The following GOLM1 variants were observed in gnomAD, a reference collection of about 807,000 sequenced individuals.
The protein encoded by GOLM1 is epididymis luminal protein 46.
Under a neutral mutation model 50.5 loss-of-function variants are expected in GOLM1, and 31 were observed. That is an observed-to-expected ratio of 0.61 (90% CI 0.46 to 0.83). GOLM1 has a LOEUF of 0.83. Among genes scored for constraint, GOLM1 ranks in the 40% least tolerant of loss-of-function variants. The pLI, the probability that GOLM1 is intolerant of heterozygous loss-of-function variation, is 0.00. For missense variants in GOLM1, 491 were observed against 501.3 expected (o/e 0.98, Z 0.20); for synonymous variants, 178 against 192.8 (o/e 0.92, Z 0.64).
intron 8 of GOLM1, among the ~76,000 whole-genome samples, chr9:86,034,155 G>A (rs1833066780): frequency 6.6e-6 from 1 of 152,046 alleles, no homozygotes; most frequent in African/African-American, 2.4e-5. Flanking sequence ...AGAAGAGATG[G>A]GGTTTCACCA....
chr9:86,097,473 G>T (rs1408664486), intron 1 of GOLM1, among the ~76,000 whole-genome samples: 1 of 151,470 alleles, frequency 6.6e-6, no homozygotes, highest in African/African-American at 2.4e-5. Flanking sequence ...TTTATTTCAA[G>T]AAAAAACAAG....
At chr9:86,053,288 C>CG (rs1833835674) in intron 3 of GOLM1, among the ~76,000 whole-genome samples, 1 of 142,886 alleles carries the variant, frequency 7.0e-6, no homozygotes, top group Non-Finnish European at 1.5e-5. Flanking sequence ...ACACACCATT[C>CG]CACACCACAC....
intron 1 of GOLM1, among the ~76,000 whole-genome samples, chr9:86,094,188 T>G: frequency 6.6e-6 from 1 of 151,890 alleles, no homozygotes; most frequent in East Asian, 1.9e-4. Context: ...AAAGTTTTAC[T>G]ATACACTGCC....
intron 3 of GOLM1, among the ~76,000 whole-genome samples, chr9:86,060,876 C>CAAAAAAAAAAAAAAAAAAAAAAA (rs753183065): frequency 5.0e-5 from 1 of 19,910 alleles, no homozygotes; most frequent in Admixed American, 7.1e-4. Context: ...GAAACTCTCT[C>CAAAAAAAAAAAAAAAAAAAAAAA]AAAAAAAAAA....
chr9:86,038,503 C>A (rs931117825), intron 6 of GOLM1, among the ~76,000 whole-genome samples: 1 of 152,182 alleles, frequency 6.6e-6, no homozygotes, highest in Non-Finnish European at 1.5e-5. Flanking sequence ...AAGGAAGCTA[C>A]TCAACTCCAG....
chr9:86,096,068 T>C (rs1361156442), intron 1 of GOLM1, among the ~76,000 whole-genome samples: 1 of 152,182 alleles, frequency 6.6e-6, no homozygotes, highest in Non-Finnish European at 1.5e-5. Context: ...ACTGACCCCA[T>C]GTTCTAGGAT....
intron 5 of GOLM1, among the ~76,000 whole-genome samples, chr9:86,042,095 C>T (rs1031874993): frequency 1.3e-5 from 2 of 152,104 alleles, no homozygotes; most frequent in African/African-American, 2.4e-5. Flanking sequence ...CCAGCCTGGG[C>T]GACAGAGCGA....
chr9:86,035,400 C>T lies in GOLM1; in HGVS notation c.983G>A (p.Gly328Glu). The T allele has an allele frequency of 6.2e-7, 1 of 1,614,022 alleles. No homozygotes were observed. The highest frequency in any genetic ancestry group is 8.5e-7 in the Non-Finnish European group (1 of 1,180,024). Residue 328 changes from glycine to glutamate, a missense_variant, in exon 8 of 10, where the codon GGA becomes GAA. Gly to Glu is a moderately conservative substitution (Grantham distance 98). Transcript: ENST00000388712. Reference sequence around the variant, plus strand: ...GGCAGCTTCCTGCTCCTCCTCCTGTCCGTCGGGGATGACAAGCTGGTCTCG... The same window carrying T: ...GGCAGCTTCCTGCTCCTCCTCCTGTTCGTCGGGGATGACAAGCTGGTCTCG... ...PERDQLVIPD[G>E]QEEEQEAAGE...
At chr9:86,042,986 C>T (rs558208250) in intron 5 of GOLM1, among the ~76,000 whole-genome samples, 1 of 152,294 alleles carries the variant, frequency 6.6e-6, no homozygotes, top group South Asian at 2.1e-4. Flanking sequence ...GAGAGGAATA[C>T]AGGACTTGGC....
Position 86,026,755 on chromosome 9 carries a change from T to C in GOLM1, c.*1062A>G. 1.0e-6 allele frequency: 1 copy of C among 983,016 alleles called. No individual in the cohort carries two copies. Among genetic ancestry groups the C allele is most frequent in the Non-Finnish European group, 1.2e-6 (1 of 827,750 alleles). The allele number at this position is 983,016 out of a possible 1,614,324, so 60.9% of individuals were successfully genotyped here. On this transcript the variant is annotated 3_prime_UTR_variant, in exon 10 of 10. Coordinates refer to ENST00000388712, the MANE Select transcript of GOLM1 (RefSeq NM_016548.4). ...GTTATTGTGAATTAGGATTAAGTAG[T>C]AATTTTCAAAATTCACATTAACTTG...
intron 1 of GOLM1, chr9:86,085,129 C>T (rs1478181632): frequency 6.6e-6 from 1 of 152,170 alleles, no homozygotes; most frequent in Non-Finnish European, 1.5e-5. Flanking sequence ...CAATCTTCTG[C>T]AGCAGGAGAA....
rs61365613 is a variant in GOLM1, at chr9:86,049,880, C to A, written c.364+2657G>T. ...TATTTCTTTCTCCTGCCTGACTGCC[C>A]TGGCCAGAACTTCCAACACTATGTT... On this transcript the variant is annotated intron_variant, in intron 4 of 9. Coordinates refer to ENST00000388712, the MANE Select transcript of GOLM1 (RefSeq NM_016548.4). Among the ~76,000 whole-genome samples the A allele has an allele frequency of 4.2e-4, 64 of 152,246 alleles. 1 individual carries two copies. In the East Asian group the frequency reaches 9.6e-3, roughly 23 times the overall value.
intron 9 of GOLM1, among the ~76,000 whole-genome samples, chr9:86,032,324 C>T (rs962379039): frequency 4.6e-5 from 7 of 152,104 alleles, no homozygotes; most frequent in Admixed American, 3.9e-4. Flanking sequence ...CCCACCACCA[C>T]GCCTGGCTAA....
At chr9:86,061,152 T>G (rs1245557681) in intron 3 of GOLM1, among the ~76,000 whole-genome samples, 1 of 152,148 alleles carries the variant, frequency 6.6e-6, no homozygotes, top group Non-Finnish European at 1.5e-5. Context: ...TACCTTTTCA[T>G]GTTTACGGTT....
chr9:86,046,352 C>CA lies in GOLM1; in HGVS notation c.467+117dup, dbSNP rs1160495580. 20 of 665,464 alleles carry CA rather than the reference C, an allele frequency of 3.0e-5. No individual in the cohort carries two copies. The East Asian group carries it at 4.1e-4, about 14-fold the overall frequency. 41.2% of individuals were successfully genotyped at this position (665,464 alleles called of 1,614,324 possible). A position where few individuals can be genotyped will look rare whatever the true frequency, so the allele number is the denominator to read the frequency against. ...ATCCTAGAGGGGCCCGTGCCTTTCT[C>CA]AGAGTCCCGCACGGAGCAGAAGGTG... On this transcript the variant is annotated intron_variant, in intron 5 of 9. Transcript: ENST00000388712.
intron 3 of GOLM1, among the ~76,000 whole-genome samples, chr9:86,070,321 C>T (rs920998933): frequency 6.6e-6 from 1 of 152,156 alleles, no homozygotes; most frequent in Non-Finnish European, 1.5e-5. Context: ...TGCCTCTAAT[C>T]CCAGTACTTT....
Position 86,099,546 on chromosome 9 carries a change from C to G in GOLM1, c.-157G>C, listed in dbSNP as rs1342913036. ...GCGCCCAGCGCCTCCGCGTCCAGCG[C>G]CGCCGCGTCTCCGGCCTCCGCAGCG... is the stretch of plus-strand genomic sequence containing the variant. On this transcript the variant is annotated 5_prime_UTR_variant, in exon 1 of 10. Coordinates refer to ENST00000388712, the MANE Select transcript of GOLM1 (RefSeq NM_016548.4). 1 of 148,216 alleles carries G rather than the reference C, an allele frequency of 6.7e-6. No individual in the cohort carries two copies. The highest frequency in any genetic ancestry group is 1.5e-5 in the Non-Finnish European group (1 of 66,564). The allele number at this position is 148,216 out of a possible 1,614,324, so 9.2% of individuals were successfully genotyped here. A position where few individuals can be genotyped will look rare whatever the true frequency, so the allele number is the denominator to read the frequency against.
chr9:86,073,597 C>T (rs975917974), intron 3 of GOLM1, among the ~76,000 whole-genome samples: 5 of 152,074 alleles, frequency 3.3e-5, no homozygotes, highest in East Asian at 3.8e-4. Flanking sequence ...ACACTGCTCC[C>T]GAACCTTACA....
intron 8 of GOLM1, 137 bp from the exon 9 acceptor site, chr9:86,033,532 G>A: frequency 4.8e-6 from 3 of 629,386 alleles, no homozygotes; most frequent in East Asian, 2.7e-5. Context: ...AAATGGTAGG[G>A]ACGCAAGGGC....
Sources: allele counts gnomAD v4.1 joint callset (sites outside exome capture counted in the v4.1 genomes callset), GRCh38; gene constraint gnomAD v4.1.1; transcripts MANE v1.5; gene names NCBI Gene and HGNC (gene_info 2026-07-23, HGNC 2026-07-21).